The following RHOU variants were observed in gnomAD, a reference collection of about 807,000 sequenced individuals.
RHOU encodes ras homolog family member U.
A neutral mutation model predicts 12.6 loss-of-function variants in RHOU; 8 were observed. The observed-to-expected ratio is 0.64, with a 90% CI of 0.37 to 1.15. RHOU has a LOEUF of 1.15. Ranked by LOEUF, RHOU falls within the 50% of genes most tolerant of loss-of-function variation. RHOU has a pLI of 0.01. For missense variants in RHOU, 258 were observed against 347.0 expected (o/e 0.74, Z 2.04); for synonymous variants, 161 against 147.4 (o/e 1.09, Z -0.67).
Position 228,737,539 on chromosome 1 carries a change from C to A in RHOU, c.263-134C>A. ...CAGGGCCTCCTTGTTTTTGGCTAGT[C>A]TTTAATTCATTAGAGGACCTAAAAT... On this transcript the variant is annotated intron_variant, in intron 1 of 2. Transcript: ENST00000366691. This position sits in a 1 kb window ranked among gnomAD's most constrained non-coding sequence, Gnocchi z 4.1. 2.3e-6 allele frequency: 2 copies of A among 869,912 alleles called. No individual in the cohort carries two copies. Among genetic ancestry groups the A allele is most frequent in the Middle Eastern group, 3.0e-4 (1 of 3,322 alleles). 53.9% of individuals were successfully genotyped at this position (869,912 alleles called of 1,614,324 possible).
chr1:228,648,443 T>C, the RHOU span, among the ~76,000 whole-genome samples: 1 of 152,220 alleles, frequency 6.6e-6, no homozygotes, highest in Non-Finnish European at 1.5e-5. Context: ...CTCTGAGGTG[T>C]CAACGCCCAG....
the RHOU span, among the ~76,000 whole-genome samples, chr1:228,700,762 C>T: frequency 2.6e-5 from 4 of 152,068 alleles, no homozygotes; most frequent in Admixed American, 2.6e-4. Flanking sequence ...AACTGCAGAT[C>T]ATTTCTTATT....
At chr1:228,659,154 G>A in the RHOU span, among the ~76,000 whole-genome samples, 17 of 152,240 alleles carry the variant, frequency 1.1e-4, no homozygotes, top group African/African-American at 2.2e-4. Flanking sequence ...TGAGGTGGGC[G>A]GATCACCTGA....
At chr1:228,663,143 T>TTC in the RHOU span, among the ~76,000 whole-genome samples, 1 of 152,226 alleles carries the variant, frequency 6.6e-6, no homozygotes, top group Non-Finnish European at 1.5e-5. Flanking sequence ...CAGTTATGAA[T>TTC]AAAGTTTTAT....
chr1:228,662,173 T>C, the RHOU span, among the ~76,000 whole-genome samples: 1 of 152,122 alleles, frequency 6.6e-6, no homozygotes, highest in African/African-American at 2.4e-5. Context: ...TAAAAAGTCA[T>C]GAAACAACAG....
the RHOU span, among the ~76,000 whole-genome samples, chr1:228,646,921 A>T: frequency 2.0e-5 from 3 of 151,950 alleles, no homozygotes; most frequent in African/African-American, 7.2e-5. Flanking sequence ...GAGACCGGAG[A>T]GGTGGAGAGG....
At chr1:228,712,678 G>A in the RHOU span, among the ~76,000 whole-genome samples, 121 of 98,472 alleles carry the variant, frequency 1.2e-3, 1 homozygote, top group African/African-American at 4.2e-3. Flanking sequence ...GGGGAGGGGG[G>A]AGGGATAGCA....
chr1:228,668,471 A>C, the RHOU span, among the ~76,000 whole-genome samples: 1 of 152,142 alleles, frequency 6.6e-6, no homozygotes, highest in Non-Finnish European at 1.5e-5. Flanking sequence ...GTTTCAAGCT[A>C]ACTCTTGGTA....
chr1:228,690,558 C>T, the RHOU span, among the ~76,000 whole-genome samples: 1 of 151,836 alleles, frequency 6.6e-6, no homozygotes, highest in African/African-American at 2.4e-5. Flanking sequence ...CTGACCTCAG[C>T]TGATCCGCCC....
the RHOU span, among the ~76,000 whole-genome samples, chr1:228,662,519 A>G: frequency 6.6e-6 from 1 of 152,188 alleles, no homozygotes; most frequent in Admixed American, 6.5e-5. Context: ...GGATGAGTTC[A>G]TGTCTTTTGC....
the RHOU span, among the ~76,000 whole-genome samples, chr1:228,677,823 G>A: frequency 6.6e-6 from 1 of 152,140 alleles, no homozygotes; most frequent in East Asian, 1.9e-4. Flanking sequence ...TAAATACCAA[G>A]AGCCTGAGAA....
the RHOU span, chr1:228,647,769 G>A: frequency 6.6e-6 from 1 of 152,530 alleles, no homozygotes; most frequent in East Asian, 1.9e-4. Flanking sequence ...GTTGTTGCCT[G>A]GCTGTGCTGC....
At chr1:228,664,903 C>T in the RHOU span, among the ~76,000 whole-genome samples, 8 of 152,246 alleles carry the variant, frequency 5.3e-5, no homozygotes, top group African/African-American at 1.7e-4. Flanking sequence ...CCATCCGCCT[C>T]GGCCTCCCAA....
chr1:228,646,783 A>C, the RHOU span, among the ~76,000 whole-genome samples: 1 of 152,096 alleles, frequency 6.6e-6, no homozygotes, highest in East Asian at 2.0e-4. Flanking sequence ...CCCGCACGCG[A>C]GCACGGGTGC....
chr1:228,721,024 G>T, the RHOU span, among the ~76,000 whole-genome samples: 1 of 152,146 alleles, frequency 6.6e-6, no homozygotes, highest in Non-Finnish European at 1.5e-5. Flanking sequence ...ATCGCCTTGG[G>T]GGCACGGTGG....
chr1:228,718,505 A>G, the RHOU span, among the ~76,000 whole-genome samples: 1 of 152,170 alleles, frequency 6.6e-6, no homozygotes, highest in African/African-American at 2.4e-5. Flanking sequence ...GCTGTCTTAG[A>G]TATGCCCTTT....
chr1:228,646,931 G>T, the RHOU span, among the ~76,000 whole-genome samples: 3 of 152,100 alleles, frequency 2.0e-5, no homozygotes, highest in African/African-American at 4.8e-5. Flanking sequence ...AGGTGGAGAG[G>T]TAAAGAGAGA....
chr1:228,685,664 A>G, the RHOU span, among the ~76,000 whole-genome samples: 1 of 152,214 alleles, frequency 6.6e-6, no homozygotes, highest in Admixed American at 6.5e-5. Context: ...AGACTCATGA[A>G]ATGACTGTAT....
the RHOU span, among the ~76,000 whole-genome samples, chr1:228,699,162 G>T: frequency 6.6e-6 from 1 of 151,732 alleles, no homozygotes; most frequent in Admixed American, 6.6e-5. Flanking sequence ...GCTGGGTAGG[G>T]TGGCTCACAC....
Sources: gnomAD v4.1 joint callset for allele counts (sites outside exome capture counted in the v4.1 genomes callset) on GRCh38, gnomAD v4.1.1 for gene constraint, Gnocchi (gnomAD v3.1) non-coding constraint, MANE v1.5 for transcripts, NCBI Gene and HGNC (gene_info 2026-07-23, HGNC 2026-07-21) for gene names.